Variants in CHODL observed in about 807,000 individuals in gnomAD.
The protein encoded by CHODL is transmembrane protein MT75.
Under a neutral mutation model 34.5 loss-of-function variants are expected in CHODL, and 29 were observed. That is an observed-to-expected ratio of 0.84 (90% CI 0.63 to 1.15). CHODL has a LOEUF of 1.15. Ranked by LOEUF, CHODL falls within the 50% of genes most tolerant of loss-of-function variation. The probability of loss-of-function intolerance (pLI) is 0.00; values close to 1 mark genes in which losing one functional copy is unlikely to be tolerated. For missense variants in CHODL, 332 were observed against 332.5 expected (o/e 1.00, Z 0.01); for synonymous variants, 125 against 116.1 (o/e 1.08, Z -0.49).
chr21:18,129,870 T>C (rs2072631505), intron 2 of CHODL, among the ~76,000 whole-genome samples: 1 of 148,714 alleles, frequency 6.7e-6, no homozygotes, highest in Non-Finnish European at 1.5e-5. Context: ...ACATCTTTAG[T>C]ATTCTCTCTC....
intron 2 of CHODL, among the ~76,000 whole-genome samples, chr21:18,092,674 T>TG (rs1401432293): frequency 6.6e-6 from 1 of 152,142 alleles, no homozygotes; most frequent in African/African-American, 2.4e-5. Flanking sequence ...AAAATGCAAT[T>TG]GACATTCCCA....
chr21:18,237,245 T>C (rs917463660), intron 2 of CHODL, among the ~76,000 whole-genome samples: 1 of 152,112 alleles, frequency 6.6e-6, no homozygotes, highest in Admixed American at 6.6e-5. Flanking sequence ...AGTGTGGAAG[T>C]AGAAAAGCAA....
Position 18,163,097 on chromosome 21 carries a change from A to T in CHODL, c.-44-93412A>T, listed in dbSNP as rs1367345330. The stretch of plus-strand genomic sequence containing the variant: ...CTGGAAAGGATACTAGAGTGTTTAC[A>T]GTTTGGGGCTATTAACATATAGTGC... On this transcript the variant is annotated intron_variant, in intron 2 of 6. Coordinates refer to the CHODL transcript ENST00000400127. Among the ~76,000 whole-genome samples, 3 of 152,212 alleles carry T rather than the reference A, an allele frequency of 2.0e-5. 1 individual carries two copies. The highest frequency in any genetic ancestry group is 4.4e-5 in the Non-Finnish European group (3 of 68,038).
intron 2 of CHODL, among the ~76,000 whole-genome samples, chr21:18,046,367 T>C (rs1437875311): frequency 6.6e-6 from 1 of 151,998 alleles, no homozygotes; most frequent in Non-Finnish European, 1.5e-5. Flanking sequence ...GGAAAAATAC[T>C]ATGGTAGTTG....
At chr21:17,929,300 T>G (rs1217455718) in intron 1 of CHODL, among the ~76,000 whole-genome samples, 1 of 152,354 alleles carries the variant, frequency 6.6e-6, no homozygotes, top group South Asian at 2.1e-4. Flanking sequence ...TCACTTAAAC[T>G]TGCAAATTTA....
At chr21:18,108,838 TG>T (rs1485513109) in intron 2 of CHODL, among the ~76,000 whole-genome samples, 24 of 44,254 alleles carry the variant, frequency 5.4e-4, no homozygotes, top group African/African-American at 2.1e-3. Context: ...TTTGCAATGT[TG>T]TGTGTGTGTG....
At chr21:18,194,900 T>C (rs2073564604) in intron 2 of CHODL, among the ~76,000 whole-genome samples, 1 of 152,132 alleles carries the variant, frequency 6.6e-6, no homozygotes, top group Non-Finnish European at 1.5e-5. Context: ...TATTGTGGAA[T>C]GACTACACTG....
At chr21:18,081,142 T>C (rs1267889843) in intron 2 of CHODL, among the ~76,000 whole-genome samples, 1 of 152,154 alleles carries the variant, frequency 6.6e-6, no homozygotes, top group Non-Finnish European at 1.5e-5. Context: ...GGCTGGATCA[T>C]TATTAGTGTA....
intron 2 of CHODL, among the ~76,000 whole-genome samples, chr21:18,148,961 G>T (rs1013525031): frequency 6.6e-6 from 1 of 151,032 alleles, no homozygotes; most frequent in Non-Finnish European, 1.5e-5. Flanking sequence ...TACCAGTTTG[G>T]CTGTTTTGCC....
At chr21:17,950,523 CACACACACACACTT>C (rs1022972505) in intron 1 of CHODL, among the ~76,000 whole-genome samples, 5 of 125,562 alleles carry the variant, frequency 4.0e-5, no homozygotes, top group East Asian at 2.8e-4. Flanking sequence ...CACACACACA[CACACACACACACTT>C]CTTTAAAGCC....
intron 1 of CHODL, among the ~76,000 whole-genome samples, chr21:17,954,694 A>G (rs1183395612): frequency 4.5e-5 from 6 of 133,988 alleles, no homozygotes; most frequent in African/African-American, 7.6e-5. Flanking sequence ...CTTCAGACTC[A>G]GGCTGGAAGT....
chr21:18,029,036 G>A (rs567232796), intron 2 of CHODL, among the ~76,000 whole-genome samples: 35 of 152,246 alleles, frequency 2.3e-4, no homozygotes, highest in African/African-American at 8.4e-4. Context: ...TACCCATTAT[G>A]CTTTCTCTTT....
chr21:18,054,564 A>G (rs1399811262), intron 2 of CHODL, among the ~76,000 whole-genome samples: 2 of 151,978 alleles, frequency 1.3e-5, no homozygotes, highest in Non-Finnish European at 2.9e-5. Context: ...TGTTAAATTC[A>G]TAGAAGTAGA....
chr21:18,048,022 C>A (rs183843547), intron 2 of CHODL, among the ~76,000 whole-genome samples: 1 of 151,956 alleles, frequency 6.6e-6, no homozygotes, highest in Admixed American at 6.6e-5. Flanking sequence ...TTCCACTTAC[C>A]CATTCAGGAC....
At chr21:17,925,975 CTTATT>C (rs2063219154) in intron 1 of CHODL, among the ~76,000 whole-genome samples, 1 of 152,082 alleles carries the variant, frequency 6.6e-6, no homozygotes, top group South Asian at 2.1e-4. Context: ...TATTTCAAAA[CTTATT>C]TTAATTTGTG....
In CHODL at chr21:18,085,943, A is replaced by G. The variant is rs1030282682; in HGVS notation, c.-45+57972A>G. Among the ~76,000 whole-genome samples, 14 of 148,324 alleles carry G rather than the reference A, an allele frequency of 9.4e-5. No individual in the cohort carries two copies. The East Asian group carries it at 1.4e-3, about 15-fold the overall frequency. On this transcript the variant is annotated intron_variant, in intron 2 of 6. Transcript: ENST00000400127. Reference sequence around the variant, plus strand: ...TTTCATTGATTATTTTCTTAAATAGATTTTCTGAGCTTTTTATTCTCTCTT... The same window carrying G: ...TTTCATTGATTATTTTCTTAAATAGGTTTTCTGAGCTTTTTATTCTCTCTT...
At chr21:18,194,269 G>A (rs17002457) in intron 2 of CHODL, among the ~76,000 whole-genome samples, 4,119 of 152,018 alleles carry the variant, frequency 0.027, 174 homozygotes, top group African/African-American at 0.09. Flanking sequence ...GTTTCCAATC[G>A]TGTTTAAAAT....
At chr21:17,944,135 G>C (rs2063387011) in intron 1 of CHODL, among the ~76,000 whole-genome samples, 1 of 151,988 alleles carries the variant, frequency 6.6e-6, no homozygotes, top group Non-Finnish European at 1.5e-5. Context: ...TGCCCAATTA[G>C]GGAGACTCCC....
intron 2 of CHODL, among the ~76,000 whole-genome samples, chr21:18,062,122 T>C (rs1368144006): frequency 6.6e-6 from 1 of 151,946 alleles, no homozygotes; most frequent in Non-Finnish European, 1.5e-5. Flanking sequence ...CACCAGACAG[T>C]AAAAAGGGAT....
Sources: allele counts gnomAD v4.1 joint callset (sites outside exome capture counted in the v4.1 genomes callset), GRCh38; gene constraint gnomAD v4.1.1; transcripts MANE v1.5; gene names NCBI Gene and HGNC (gene_info 2026-07-23, HGNC 2026-07-21).